The following ASB7 variants were observed in gnomAD, a reference collection of about 807,000 sequenced individuals.
ASB7 encodes ankyrin repeat and SOCS box protein 7.
Under a neutral mutation model 32.5 loss-of-function variants are expected in ASB7, and 4 were observed. That is an observed-to-expected ratio of 0.12 (90% CI 0.06 to 0.28). The LOEUF (loss-of-function observed/expected upper bound fraction) is 0.28. Ranked by LOEUF, ASB7 falls within the 10% of genes least tolerant of loss-of-function variation. ASB7 has a pLI of 1.00. For missense variants in ASB7, 181 were observed against 407.1 expected (o/e 0.44, Z 4.78); for synonymous variants, 172 against 155.6 (o/e 1.11, Z -0.78).
rs2039864601 is a variant in ASB7 at position 100,629,082 on chromosome 15, CAG to C, written c.212-353_212-352del. Among the ~76,000 whole-genome samples the C allele has an allele frequency of 1.3e-5, 2 of 152,106 alleles. No individual in the cohort carries two copies. The highest frequency in any genetic ancestry group is 4.1e-4 in the South Asian group (2 of 4,830). ...AGAAAATAAAACAAAAAGTTCAAAACAGAAGAGAAACATGAAACAGTGCAGAG... is the reference window on the plus strand; with the variant it reads ...AGAAAATAAAACAAAAAGTTCAAAACAAGAGAAACATGAAACAGTGCAGAG... On this transcript the variant is annotated intron_variant, in intron 4 of 5. Transcript: ENST00000332783. The surrounding 1 kb of genome is among the most constrained non-coding windows in gnomAD (Gnocchi z 6.8).
At chr15:100,613,125 A>G (rs187247724) in intron 4 of ASB7, among the ~76,000 whole-genome samples, 1 of 152,324 alleles carries the variant, frequency 6.6e-6, no homozygotes, top group East Asian at 1.9e-4. Flanking sequence ...GGTTTTTTAT[A>G]TATTTGATCA....
Position 100,651,358 on chromosome 15 carries a change from T to A in ASB7, c.*2896T>A, listed in dbSNP as rs1596123461. On this transcript the variant is annotated 3_prime_UTR_variant, in exon 6 of 6. Coordinates refer to ENST00000332783, the MANE Select transcript of ASB7 (RefSeq NM_198243.3). ...GTCTCATTTTTTAATTCATTGTCAG[T>A]CATGCTTGGAACAGCATTTCCACTA... is the stretch of plus-strand genomic sequence containing the variant. The A allele has an allele frequency of 6.6e-6, 1 of 152,338 alleles. No homozygotes were observed. The highest frequency in any genetic ancestry group is 1.9e-4 in the East Asian group (1 of 5,186). 9.4% of individuals were successfully genotyped at this position (152,338 alleles called of 1,614,324 possible). A position where few individuals can be genotyped will look rare whatever the true frequency, so the allele number is the denominator to read the frequency against.
chr15:100,602,681 C>T lies in ASB7; in HGVS notation c.-638C>T, dbSNP rs1273955127. On this transcript the variant is annotated 5_prime_UTR_variant, in exon 1 of 6. Transcript: ENST00000332783. ...CTGTCCGGAGACCCCACGGCTGGCACTTCGGGCCCCGTATGACCTGGGACC... is the reference window on the plus strand; with the variant it reads ...CTGTCCGGAGACCCCACGGCTGGCATTTCGGGCCCCGTATGACCTGGGACC... 3.2e-5 allele frequency: 10 copies of T among 312,724 alleles called. No homozygotes were observed. The highest frequency in any genetic ancestry group is 8.3e-4 in the Middle Eastern group (1 of 1,204). 19.4% of individuals were successfully genotyped at this position (312,724 alleles called of 1,614,324 possible).
chr15:100,633,108 G>A (rs1424680082), intron 5 of ASB7, among the ~76,000 whole-genome samples: 2 of 151,598 alleles, frequency 1.3e-5, no homozygotes, highest in Non-Finnish European at 2.9e-5. Flanking sequence ...AGGAGCCATA[G>A]CACCTGCCTG....
intron 4 of ASB7, among the ~76,000 whole-genome samples, chr15:100,612,806 C>G (rs560517532): frequency 6.6e-6 from 1 of 152,260 alleles, no homozygotes; most frequent in Middle Eastern, 3.4e-3. Flanking sequence ...AGCGTATAGA[C>G]CGAGCACCAG....
At chr15:100,616,637 T>A (rs1234035574) in intron 4 of ASB7, among the ~76,000 whole-genome samples, 1 of 152,222 alleles carries the variant, frequency 6.6e-6, no homozygotes, top group Non-Finnish European at 1.5e-5. Context: ...ATTTCTGAGT[T>A]TTTATTTAAA....
intron 5 of ASB7, among the ~76,000 whole-genome samples, chr15:100,639,255 C>T (rs1356019144): frequency 1.3e-5 from 2 of 152,192 alleles, no homozygotes; most frequent in Non-Finnish European, 2.9e-5. Flanking sequence ...TAGGTGCTTT[C>T]TGGAACATTA....
intron 3 of ASB7, among the ~76,000 whole-genome samples, chr15:100,610,221 G>A (rs1468602433): frequency 1.3e-5 from 2 of 152,094 alleles, no homozygotes; most frequent in African/African-American, 2.4e-5. Context: ...GTGGCCGGGC[G>A]CAGTGGCTCA....
chr15:100,619,111 G>C (rs2039769222), intron 4 of ASB7, among the ~76,000 whole-genome samples: 1 of 152,134 alleles, frequency 6.6e-6, no homozygotes, highest in Non-Finnish European at 1.5e-5. Context: ...TGCTGGGGTG[G>C]GTGGACGAGT....
chr15:100,612,277 G>C lies in ASB7; in HGVS notation c.61G>C (p.Ala21Pro). The C allele has an allele frequency of 6.2e-7, 1 of 1,614,134 alleles. No individual in the cohort carries two copies. The change falls in exon 4 of 6, where the codon GCG (alanine) becomes CCG (proline). Residue 21 changes from alanine to proline, a missense_variant. Physicochemically the swap from Ala to Pro is conservative, Grantham distance 27. Coordinates refer to ENST00000332783, the MANE Select transcript of ASB7 (RefSeq NM_198243.3). ...ELQEELQIQA[A>P]VAAGDVHTVR... ...CCAGGAAGAGTTGCAGATTCAGGCC[G>C]CGGTGGCTGCTGGGGATGTCCACAC...
rs562908764 is a variant in ASB7, at chr15:100,651,060, C to T, written c.*2598C>T. On this transcript the variant is annotated 3_prime_UTR_variant, in exon 6 of 6. Transcript: ENST00000332783. ...AATTTGTCAGATTCTTTTATGTTTC[C>T]TTTGAAATTTATTATTTAAGCCTAT... is the stretch of plus-strand genomic sequence containing the variant. 1 of 152,196 alleles carries T rather than the reference C, an allele frequency of 6.6e-6. No individual in the cohort carries two copies. Among genetic ancestry groups the T allele is most frequent in the South Asian group, 2.1e-4 (1 of 4,820 alleles). The allele number at this position is 152,196 out of a possible 1,614,324, so 9.4% of individuals were successfully genotyped here.
chr15:100,627,141 A>G (rs1010488381), intron 4 of ASB7, among the ~76,000 whole-genome samples: 4 of 152,130 alleles, frequency 2.6e-5, no homozygotes, highest in African/African-American at 9.7e-5. Flanking sequence ...GCTTCTGTTT[A>G]TATACATTAA....
chr15:100,611,484 CTTTTT>C (rs61153969), intron 3 of ASB7, among the ~76,000 whole-genome samples: 1 of 77,144 alleles, frequency 1.3e-5, no homozygotes, highest in Non-Finnish European at 2.3e-5. Context: ...TGTTTCGATT[CTTTTT>C]TTTTTTTTGA....
At chr15:100,645,492 C>T (rs1285170507) in intron 5 of ASB7, 9 of 593,436 alleles carry the variant, frequency 1.5e-5, no homozygotes, top group Non-Finnish European at 2.9e-5. Flanking sequence ...AGCCCTGTGT[C>T]TGTCTAGTCT....
At chr15:100,637,770 G>A (rs536863755) in intron 5 of ASB7, among the ~76,000 whole-genome samples, 14 of 152,292 alleles carry the variant, frequency 9.2e-5, no homozygotes, top group South Asian at 4.1e-4. Flanking sequence ...TTCCAACTGC[G>A]TATCTGAGTG....
At chr15:100,612,987 G>C (rs1022165329) in intron 4 of ASB7, among the ~76,000 whole-genome samples, 3 of 152,166 alleles carry the variant, frequency 2.0e-5, no homozygotes, top group African/African-American at 4.8e-5. Flanking sequence ...TGTGCAATTG[G>C]AAACTATATT....
Position 100,648,762 on chromosome 15 carries a change from C to T in ASB7, c.*300C>T, listed in dbSNP as rs927805548. 3.6e-5 allele frequency: 7 copies of T among 196,668 alleles called. No homozygotes were observed. Among genetic ancestry groups the T allele is most frequent in the Non-Finnish European group, 7.1e-5 (7 of 97,956 alleles). 12.2% of individuals were successfully genotyped at this position (196,668 alleles called of 1,614,324 possible). ...AGAAAAATTGTCTTTTCTTAAATGA[C>T]ACAAGCAGGTTTAGAGTGGAGAATT... On this transcript the variant is annotated 3_prime_UTR_variant, in exon 6 of 6. Coordinates refer to ENST00000332783, the MANE Select transcript of ASB7 (RefSeq NM_198243.3).
intron 4 of ASB7, among the ~76,000 whole-genome samples, chr15:100,627,422 C>T (rs2039849104): frequency 6.6e-6 from 1 of 152,170 alleles, no homozygotes; most frequent in Non-Finnish European, 1.5e-5. Context: ...GTTTATGTTG[C>T]TATTACAAAT....
In ASB7 at chr15:100,603,328, C is replaced by T. The variant is rs1040088234; in HGVS notation, c.-174+15C>T. On this transcript the variant is annotated intron_variant, in intron 2 of 5. Transcript: ENST00000332783. ...CGTCTGTAAAGGTAATGAGCCAGCC[C>T]TCCCCTCCCCCGTTGTTTATTCCTG... 3.2e-5 allele frequency: 8 copies of T among 249,486 alleles called. No homozygotes were observed. Among genetic ancestry groups the T allele is most frequent in the African/African-American group, 1.6e-4 (7 of 44,632 alleles). 15.5% of individuals were successfully genotyped at this position (249,486 alleles called of 1,614,324 possible).
Sources: allele counts gnomAD v4.1 joint callset (sites outside exome capture counted in the v4.1 genomes callset), GRCh38; gene constraint gnomAD v4.1.1; non-coding constraint Gnocchi (gnomAD v3.1); transcripts MANE v1.5; gene names NCBI Gene and HGNC (gene_info 2026-07-23, HGNC 2026-07-21).